The following SEMA5B variants were observed in gnomAD, a reference collection of about 807,000 sequenced individuals.
SEMA5B encodes the protein semaphorin-5B.
SEMA5B carries 66 observed loss-of-function variants against 135.0 expected under a neutral mutation model. The observed-to-expected ratio is 0.49, with a 90% CI of 0.40 to 0.60. The LOEUF (loss-of-function observed/expected upper bound fraction) is 0.60. Among genes scored for constraint, SEMA5B ranks in the 20% least tolerant of loss-of-function variants. The pLI, the probability that SEMA5B is intolerant of heterozygous loss-of-function variation, is 0.00. For missense variants in SEMA5B, 1,501 were observed against 1,566.3 expected (o/e 0.96, Z 0.70); for synonymous variants, 690 against 639.5 (o/e 1.08, Z -1.19).
intron 1 of SEMA5B, among the ~76,000 whole-genome samples, chr3:122,961,613 C>G (rs1390316560): frequency 1.3e-5 from 2 of 152,018 alleles, no homozygotes; most frequent in African/African-American, 4.8e-5. Flanking sequence ...GTTGCACCAC[C>G]ATACCTGGCT....
chr3:122,930,083 A>G (rs980579361), intron 5 of SEMA5B, among the ~76,000 whole-genome samples: 1 of 152,060 alleles, frequency 6.6e-6, no homozygotes, highest in South Asian at 2.1e-4. Context: ...GGGGAGGGGA[A>G]AAAAAAGAGC....
chr3:123,000,767 T>G (rs992726136), intron 1 of SEMA5B, among the ~76,000 whole-genome samples: 4 of 152,116 alleles, frequency 2.6e-5, no homozygotes, highest in Admixed American at 1.3e-4. Flanking sequence ...TTTTGAGGGA[T>G]GCACCTTCCT....
Position 123,018,014 on chromosome 3 carries a change from G to A in SEMA5B, c.-39+9450C>T, listed in dbSNP as rs1942600808. Among the ~76,000 whole-genome samples the A allele has an allele frequency of 2.6e-5, 4 of 152,278 alleles. No homozygotes were observed. The East Asian group carries it at 7.7e-4, about 29-fold the overall frequency. Reference sequence around the variant, plus strand: ...TCTGGGGTGCAGCCCAAGAATTGTTGCATTCTTAACGAGTTCTGGTGGCAC... The same window carrying A: ...TCTGGGGTGCAGCCCAAGAATTGTTACATTCTTAACGAGTTCTGGTGGCAC... On this transcript the variant is annotated intron_variant, in intron 1 of 22. Coordinates refer to ENST00000357599, the MANE Select transcript of SEMA5B (RefSeq NM_001031702.4).
chr3:123,025,769 C>G (rs1454823653), intron 1 of SEMA5B, among the ~76,000 whole-genome samples: 1 of 152,214 alleles, frequency 6.6e-6, no homozygotes, highest in Non-Finnish European at 1.5e-5. Context: ...CAGTTCTCAC[C>G]GCCCCATGAG....
chr3:122,930,650 A>T (rs2107663536), intron 5 of SEMA5B, among the ~76,000 whole-genome samples: 1 of 152,362 alleles, frequency 6.6e-6, no homozygotes, highest in Non-Finnish European at 1.5e-5. Context: ...GTCAGCCTTG[A>T]TTCCATTGAA....
intron 18 of SEMA5B, 54 bp from the exon 19 acceptor site, chr3:122,912,396 G>A (rs1937780964): frequency 2.0e-6 from 3 of 1,467,886 alleles, no homozygotes; most frequent in South Asian, 1.4e-5. Context: ...GGCCCAAGAC[G>A]GTCTTCCATC....
intron 2 of SEMA5B, among the ~76,000 whole-genome samples, chr3:122,953,906 G>A (rs1463797260): frequency 6.6e-6 from 1 of 152,222 alleles, no homozygotes; most frequent in Non-Finnish European, 1.5e-5. Context: ...CCCAGCCATA[G>A]CTGCTTATAC....
Position 122,922,508 on chromosome 3 carries a change from G to T in SEMA5B, c.1273-61C>A, listed in dbSNP as rs138290972. On this transcript the variant is annotated intron_variant, in intron 10 of 22. Coordinates refer to ENST00000357599, the MANE Select transcript of SEMA5B (RefSeq NM_001031702.4). Reference sequence around the variant, plus strand: ...ACCAGGGCTGCCGCCATCCCCCGCCGGCTCCCTCCTCCTGGCAACCCAGGT... The same window carrying T: ...ACCAGGGCTGCCGCCATCCCCCGCCTGCTCCCTCCTCCTGGCAACCCAGGT... 7.5e-4 allele frequency: 1,110 copies of T among 1,482,592 alleles called. 7 individuals are homozygous for T. In the African/African-American group the frequency reaches 0.015, roughly 19 times the overall value. 91.8% of individuals were successfully genotyped at this position (1,482,592 alleles called of 1,614,324 possible). A position where few individuals can be genotyped will look rare whatever the true frequency, so the allele number is the denominator to read the frequency against.
intron 4 of SEMA5B, 143 bp from the exon 5 acceptor site, chr3:122,939,613 C>T (rs1939465540): frequency 1.6e-6 from 1 of 640,582 alleles, no homozygotes; most frequent in Non-Finnish European, 2.8e-6. Context: ...GCTTTACCTC[C>T]ATTTGCTCAC....
chr3:122,945,032 T>C lies in SEMA5B; in HGVS notation c.329-1497A>G, dbSNP rs73856757. ...GAGAGAGAGAGAGAGTCTGTGTGTG[T>C]GTAATCCAAAGGAAATAAATCATTG... On this transcript the variant is annotated intron_variant, in intron 3 of 22. Coordinates refer to ENST00000357599, the MANE Select transcript of SEMA5B (RefSeq NM_001031702.4). Among the ~76,000 whole-genome samples the C allele has an allele frequency of 7.3e-3, 1,113 of 152,276 alleles. 11 individuals carry two copies. Among genetic ancestry groups the C allele is most frequent in the African/African-American group, 0.026 (1,075 of 41,538 alleles).
At chr3:122,918,993 C>CTTTTTTTTTTTTTTTTTTTTTTT in intron 12 of SEMA5B, among the ~76,000 whole-genome samples, 1 of 80,362 alleles carries the variant, frequency 1.2e-5, no homozygotes, top group Non-Finnish European at 2.6e-5. Context: ...ATCACCATGT[C>CTTTTTTTTTTTTTTTTTTTTTTT]TTTTTTTTTT....
intron 1 of SEMA5B, among the ~76,000 whole-genome samples, chr3:122,963,707 C>T (rs1477369002): frequency 6.6e-6 from 1 of 152,142 alleles, no homozygotes; most frequent in Non-Finnish European, 1.5e-5. Flanking sequence ...AGGAGCAGAA[C>T]ATTTGACTCC....
At chr3:122,958,688 G>A (rs1435034544) in intron 2 of SEMA5B, among the ~76,000 whole-genome samples, 1 of 152,210 alleles carries the variant, frequency 6.6e-6, no homozygotes, top group African/African-American at 2.4e-5. Flanking sequence ...GGGGCCCAGA[G>A]GGAAGATTTG....
intron 2 of SEMA5B, among the ~76,000 whole-genome samples, chr3:122,952,934 T>C (rs981795175): frequency 3.3e-5 from 5 of 152,142 alleles, no homozygotes; most frequent in Non-Finnish European, 5.9e-5. Context: ...GCCGCCTCCT[T>C]GCTTACCAGC....
intron 1 of SEMA5B, among the ~76,000 whole-genome samples, chr3:123,016,472 C>T (rs968827622): frequency 3.0e-4 from 46 of 152,240 alleles, no homozygotes; most frequent in East Asian, 5.8e-4. Flanking sequence ...CCTAATACAA[C>T]GTAAGTACTA....
At chr3:122,920,664 C>T (rs1938300711) in intron 12 of SEMA5B, among the ~76,000 whole-genome samples, 1 of 152,166 alleles carries the variant, frequency 6.6e-6, no homozygotes, top group Admixed American at 6.5e-5. Context: ...AGCCGAAGCT[C>T]AAAAAGATTT....
intron 1 of SEMA5B, chr3:122,993,185 G>C (rs1036332554): frequency 2.6e-5 from 4 of 152,346 alleles, no homozygotes; most frequent in African/African-American, 9.6e-5. Context: ...CCGCAGAAAA[G>C]CAGGACACAA....
rs370530336 is a variant in SEMA5B at position 122,983,667 on chromosome 3, A to G, written c.-38-22366T>C. On this transcript the variant is annotated intron_variant, in intron 1 of 22. Transcript: ENST00000357599. Reference sequence around the variant, plus strand: ...CGGGAGGCGGAGCTTGCAGTGAACCAAGATCACGCCACTGCACTCCAGCCT... The same window carrying G: ...CGGGAGGCGGAGCTTGCAGTGAACCGAGATCACGCCACTGCACTCCAGCCT... Among the ~76,000 whole-genome samples, 154 of 138,040 alleles carry G rather than the reference A, an allele frequency of 1.1e-3. 1 individual carries two copies. Among genetic ancestry groups the G allele is most frequent in the African/African-American group, 3.5e-3 (129 of 36,738 alleles). 90.6% of individuals were successfully genotyped at this position (138,040 alleles called of 152,430 possible). A position where few individuals can be genotyped will look rare whatever the true frequency, so the allele number is the denominator to read the frequency against.
chr3:122,971,596 C>T (rs1941116515), intron 1 of SEMA5B, among the ~76,000 whole-genome samples: 1 of 152,230 alleles, frequency 6.6e-6, no homozygotes, highest in Non-Finnish European at 1.5e-5. Context: ...TCTTATTTAC[C>T]TCTGGATCCT....
Sources: gnomAD v4.1 joint callset for allele counts (sites outside exome capture counted in the v4.1 genomes callset) on GRCh38, gnomAD v4.1.1 for gene constraint, MANE v1.5 for transcripts, NCBI Gene and HGNC (gene_info 2026-07-23, HGNC 2026-07-21) for gene names.